CHST3: variants seen among roughly 807,000 people sequenced by gnomAD.
CHST3 encodes the protein C6ST-1.
Under a neutral mutation model 35.4 loss-of-function variants are expected in CHST3, and 20 were observed. That is an observed-to-expected ratio of 0.57 (90% CI 0.40 to 0.82). The LOEUF is 0.82. CHST3 is among the 40% of genes least tolerant of loss of function. CHST3 has a pLI of 0.00. For synonymous variants in CHST3, 334 were observed against 295.9 expected, an observed-to-expected ratio of 1.13 and a Z score of -1.32; for missense variants, 693 against 670.1, an observed-to-expected ratio of 1.03 and a Z score of -0.38.
Position 72,007,747 on chromosome 10 carries a change from A to G in CHST3, c.716A>G (p.Lys239Arg), listed in dbSNP as rs1400643390. 6.2e-7 allele frequency: 1 copy of G among 1,602,672 alleles called. No homozygotes were observed. The highest frequency in any genetic ancestry group is 8.5e-7 in the Non-Finnish European group (1 of 1,179,710). Residue 239 changes from lysine to arginine, a missense_variant, in exon 3 of 3, where the codon AAG (lysine) becomes AGG (arginine). Lys to Arg is a conservative substitution (Grantham distance 26). Transcript: ENST00000373115. ...GACCCCGTCTGTACGCCCTTCGTCA[A>G]GAAGGTCTTCGAGAAGTACCACTGC... ...CEDPVCTPFV[K>R]KVFEKYHCKN...
chr10:71,984,295 T>G (rs1186591201), intron 1 of CHST3, among the ~76,000 whole-genome samples: 1 of 152,240 alleles, frequency 6.6e-6, no homozygotes, highest in African/African-American at 2.4e-5. Flanking sequence ...AGTGCTGAGA[T>G]TACAGGCGTG....
At chr10:72,005,053 A>G (rs1400331133) in intron 1 of CHST3, among the ~76,000 whole-genome samples, 1 of 152,158 alleles carries the variant, frequency 6.6e-6, no homozygotes, top group Non-Finnish European at 1.5e-5. Flanking sequence ...TGAGCCTGGG[A>G]GGTTGAGGCT....
At chr10:71,971,031 G>A (rs1839689853) in intron 1 of CHST3, among the ~76,000 whole-genome samples, 1 of 152,192 alleles carries the variant, frequency 6.6e-6, no homozygotes, top group Non-Finnish European at 1.5e-5. Context: ...GGGATAGGAA[G>A]CACATTTTCC....
chr10:71,975,754 T>C (rs985508206), intron 1 of CHST3, among the ~76,000 whole-genome samples: 2 of 152,208 alleles, frequency 1.3e-5, no homozygotes, highest in African/African-American at 2.4e-5. Flanking sequence ...GATGCCAGCC[T>C]TTGCAGCTGC....
At chr10:72,004,797 A>G (rs1840022885) in intron 1 of CHST3, among the ~76,000 whole-genome samples, 1 of 152,092 alleles carries the variant, frequency 6.6e-6, no homozygotes, top group Admixed American at 6.5e-5. Context: ...CCACCCCAGG[A>G]GACACTTAGC....
chr10:72,009,069 T>TA lies in CHST3; in HGVS notation c.*599dup, dbSNP rs1275632962. ...TGGTTACTGATGAATATGGGCCCCT[T>TA]ATAGAGCTGCAAAACACACACATGC... On this transcript the variant is annotated 3_prime_UTR_variant, in exon 3 of 3. Coordinates refer to ENST00000373115, the MANE Select transcript of CHST3 (RefSeq NM_004273.5). The TA allele has an allele frequency of 6.6e-6, 1 of 152,576 alleles. No individual in the cohort carries two copies. Among genetic ancestry groups the TA allele is most frequent in the Non-Finnish European group, 1.5e-5 (1 of 68,440 alleles). 9.5% of individuals were successfully genotyped at this position (152,576 alleles called of 1,614,324 possible).
At chr10:71,969,332 C>T (rs919304576) in intron 1 of CHST3, among the ~76,000 whole-genome samples, 7 of 152,242 alleles carry the variant, frequency 4.6e-5, no homozygotes, top group Admixed American at 2.6e-4. Context: ...CAGGCATCTG[C>T]AAAGGCCTGG....
chr10:72,007,549 C>T lies in CHST3; in HGVS notation c.518C>T (p.Ser173Phe), dbSNP rs751961615. The change falls in exon 3 of 3, where the codon TCC becomes TTC. Residue 173 changes from serine to phenylalanine, a missense_variant. Transcript: ENST00000373115. ...EPLWHIERTV[S>F]FEPGGANAAG... Reference sequence around the variant, plus strand: ...CTGTGGCACATCGAGCGCACAGTGTCCTTCGAGCCGGGGGGCGCCAACGCC... The same window carrying T: ...CTGTGGCACATCGAGCGCACAGTGTTCTTCGAGCCGGGGGGCGCCAACGCC... 45 of 1,606,012 alleles carry T rather than the reference C, an allele frequency of 2.8e-5. No homozygotes were observed. The Admixed American group carries it at 7.5e-4, about 27-fold the overall frequency.
intron 1 of CHST3, among the ~76,000 whole-genome samples, chr10:71,970,847 C>T (rs866595168): frequency 1.1e-4 from 17 of 152,178 alleles, no homozygotes; most frequent in South Asian, 2.1e-4. Flanking sequence ...CTCTCCAAGA[C>T]GGGGCCTACC....
chr10:71,996,451 C>CGTGTGTGTGT (rs10564775), intron 1 of CHST3, among the ~76,000 whole-genome samples: 37 of 146,490 alleles, frequency 2.5e-4, no homozygotes, highest in African/African-American at 7.7e-4. Flanking sequence ...TGTGTCTCTG[C>CGTGTGTGTGT]GTGTGTGTGT....
intron 1 of CHST3, among the ~76,000 whole-genome samples, chr10:71,970,834 T>C (rs1839687433): frequency 6.6e-6 from 1 of 152,358 alleles, no homozygotes; most frequent in African/African-American, 2.4e-5. Context: ...TTTCCCGTTA[T>C]GTCTCTCCAA....
At chr10:71,992,705 G>A (rs190544477) in intron 1 of CHST3, among the ~76,000 whole-genome samples, 1 of 146,692 alleles carries the variant, frequency 6.8e-6, no homozygotes, top group Admixed American at 6.9e-5. Flanking sequence ...TTGTTGCCCA[G>A]GCTGGAGTGC....
intron 1 of CHST3, among the ~76,000 whole-genome samples, chr10:71,988,994 C>T (rs1306262103): frequency 6.6e-6 from 1 of 152,126 alleles, no homozygotes; most frequent in African/African-American, 2.4e-5. Context: ...GAAACCCCAT[C>T]TCTACAAAAA....
chr10:71,986,874 C>G (rs1050125496), intron 1 of CHST3, among the ~76,000 whole-genome samples: 1 of 152,188 alleles, frequency 6.6e-6, no homozygotes, highest in Non-Finnish European at 1.5e-5. Context: ...TAATGCCCAG[C>G]CTGTGTGCAA....
At chr10:71,977,784 C>T (rs1380940625) in intron 1 of CHST3, among the ~76,000 whole-genome samples, 2 of 152,142 alleles carry the variant, frequency 1.3e-5, no homozygotes, top group Non-Finnish European at 2.9e-5. Context: ...ATTCTCCTGC[C>T]TCAGCCTCCT....
intron 1 of CHST3, among the ~76,000 whole-genome samples, chr10:72,005,481 C>T (rs887117131): frequency 3.3e-5 from 5 of 152,154 alleles, no homozygotes; most frequent in Non-Finnish European, 4.4e-5. Flanking sequence ...TATTCTTTTC[C>T]GTGCACAGGC....
At chr10:71,999,512 G>C (rs1216620404) in intron 1 of CHST3, among the ~76,000 whole-genome samples, 1 of 152,230 alleles carries the variant, frequency 6.6e-6, no homozygotes, top group Non-Finnish European at 1.5e-5. Flanking sequence ...GGCCGGGCCA[G>C]CAACAGCTGA....
chr10:71,978,484 C>CA (rs1445013374), intron 1 of CHST3, among the ~76,000 whole-genome samples: 1 of 152,172 alleles, frequency 6.6e-6, no homozygotes, highest in Non-Finnish European at 1.5e-5. Context: ...ATGAACTCAA[C>CA]AATCCGCTCC....
intron 2 of CHST3, 98 bp downstream of exon 2, chr10:72,006,080 T>G (rs2131772821): frequency 2.7e-6 from 4 of 1,474,502 alleles, no homozygotes; most frequent in Non-Finnish European, 1.9e-6. Flanking sequence ...TGCAAATGCA[T>G]TCCTTCAACG....
Sources: allele counts gnomAD v4.1 joint callset (sites outside exome capture counted in the v4.1 genomes callset), GRCh38; gene constraint gnomAD v4.1.1; transcripts MANE v1.5; gene names NCBI Gene and HGNC (gene_info 2026-07-23, HGNC 2026-07-21).